The following SEPTIN11 variants were observed in gnomAD, a reference collection of about 807,000 sequenced individuals.
The protein encoded by SEPTIN11 is septin-11.
A neutral mutation model predicts 51.4 loss-of-function variants in SEPTIN11; 25 were observed. That is an observed-to-expected ratio of 0.49 (90% CI 0.35 to 0.68). The LOEUF (loss-of-function observed/expected upper bound fraction) is 0.68. SEPTIN11 is among the 30% of genes least tolerant of loss of function. The probability of loss-of-function intolerance (pLI) is 0.00; values close to 1 mark genes in which losing one functional copy is unlikely to be tolerated. For synonymous variants in SEPTIN11, 174 were observed against 184.1 expected (o/e 0.95, Z 0.44); for missense variants, 381 against 520.8 (o/e 0.73, Z 2.61).
At chr4:77,016,607 T>TAC (rs1725260898) in intron 5 of SEPTIN11, among the ~76,000 whole-genome samples, 1 of 45,706 alleles carries the variant, frequency 2.2e-5, no homozygotes, top group African/African-American at 1.1e-4. Context: ...CACATATATA[T>TAC]ATATACACAT....
chr4:76,953,909 C>T (rs2109875800), intron 1 of SEPTIN11, among the ~76,000 whole-genome samples: 1 of 152,260 alleles, frequency 6.6e-6, no homozygotes, highest in African/African-American at 2.4e-5. Context: ...TATAATAGTT[C>T]TTAGGTGTTT....
At chr4:77,026,585 C>T (rs1340335909) in intron 7 of SEPTIN11, among the ~76,000 whole-genome samples, 1 of 152,168 alleles carries the variant, frequency 6.6e-6, no homozygotes, top group Non-Finnish European at 1.5e-5. Context: ...GGGCACCATT[C>T]TCCCTTCCGT....
At chr4:77,002,186 T>C (rs1724165790) in intron 2 of SEPTIN11, among the ~76,000 whole-genome samples, 2 of 152,110 alleles carry the variant, frequency 1.3e-5, no homozygotes, top group African/African-American at 2.4e-5. Context: ...TTTCAACCCA[T>C]TGATTAACCC....
intron 7 of SEPTIN11, among the ~76,000 whole-genome samples, chr4:77,023,216 A>G (rs1048783040): frequency 6.6e-6 from 1 of 150,728 alleles, no homozygotes. Context: ...CCCCACTTGG[A>G]TCCATTTCCC....
chr4:77,038,537 T>G lies in SEPTIN11; in HGVS notation c.*4025T>G. ...TTTGGCATCTGTTAAGGTAGGAGAG[T>G]GGTGAACAGATAATCTATGCATATA... On this transcript the variant is annotated 3_prime_UTR_variant, in exon 10 of 10. Transcript: ENST00000264893. 1 of 986,304 alleles carries G rather than the reference T, an allele frequency of 1.0e-6. No homozygotes were observed. Among genetic ancestry groups the G allele is most frequent in the Non-Finnish European group, 1.2e-6 (1 of 830,304 alleles). The allele number at this position is 986,304 out of a possible 1,614,324, so 61.1% of individuals were successfully genotyped here.
rs370267588 is a variant in SEPTIN11, at chr4:77,016,615, CATAT to C, written c.687+1610_687+1613del. Among the ~76,000 whole-genome samples, 469 of 79,224 alleles carry C rather than the reference CATAT, an allele frequency of 5.9e-3. 12 individuals are homozygous for C. The highest frequency in any genetic ancestry group is 0.02 in the African/African-American group (440 of 21,490). 52.0% of individuals were successfully genotyped at this position (79,224 alleles called of 152,430 possible). The stretch of plus-strand genomic sequence containing the variant: ...ATACACACACATATATATATATACA[CATAT>C]ATATATATATACACATATATATATA... On this transcript the variant is annotated intron_variant, in intron 5 of 9. Coordinates refer to ENST00000264893, the MANE Select transcript of SEPTIN11 (RefSeq NM_018243.4).
Position 77,024,133 on chromosome 4 carries a change from T to C in SEPTIN11, c.953+3463T>C, listed in dbSNP as rs1013779783. Among the ~76,000 whole-genome samples, 2 of 152,030 alleles carry C rather than the reference T, an allele frequency of 1.3e-5. No homozygotes were observed. The highest frequency in any genetic ancestry group is 6.6e-5 in the Admixed American group (1 of 15,262). On this transcript the variant is annotated intron_variant, in intron 7 of 9. Transcript: ENST00000264893. This position sits in a 1 kb window ranked among gnomAD's most constrained non-coding sequence, Gnocchi z 4.2. ...CAGTGCCACTGTGTATGTTACACAGTGTGAGGCAAAAGGAGGAGTAGCGCG... is the reference window on the plus strand; with the variant it reads ...CAGTGCCACTGTGTATGTTACACAGCGTGAGGCAAAAGGAGGAGTAGCGCG...
chr4:77,023,280 AC>A (rs1653764710), intron 7 of SEPTIN11, among the ~76,000 whole-genome samples: 2 of 133,574 alleles, frequency 1.5e-5, no homozygotes, highest in Non-Finnish European at 1.5e-5. Context: ...ACACACACAC[AC>A]ACACACACAC....
At chr4:77,038,653 G>T, downstream of SEPTIN11, 1 of 997,288 alleles carries the variant, frequency 1.0e-6, no homozygotes, top group Non-Finnish European at 1.2e-6. Context: ...TTTAGTCACT[G>T]CTTGGTTTGC....
rs1277859960 is a variant in SEPTIN11 at position 77,013,665 on chromosome 4, CAGGTTGAGGAAT to C, written c.526-1183_526-1172del. Among the ~76,000 whole-genome samples, 3 of 152,310 alleles carry C rather than the reference CAGGTTGAGGAAT, an allele frequency of 2.0e-5. No individual in the cohort carries two copies. In the East Asian group the frequency reaches 5.8e-4, roughly 29 times the overall value. On this transcript the variant is annotated intron_variant, in intron 4 of 9. Coordinates refer to ENST00000264893, the MANE Select transcript of SEPTIN11 (RefSeq NM_018243.4). ...AGCCCAAGCATGGTGAGCTTAGGAG[CAGGTTGAGGAAT>C]AGGTTGAAGAATAGGTCTTTCTCTC...
intron 1 of SEPTIN11, among the ~76,000 whole-genome samples, chr4:76,987,347 T>C (rs1267340464): frequency 1.3e-5 from 2 of 152,150 alleles, no homozygotes; most frequent in African/African-American, 2.4e-5. Flanking sequence ...AGGCATGGGA[T>C]TTCATGGTAT....
chr4:76,969,499 G>A (rs1413373197), intron 1 of SEPTIN11, among the ~76,000 whole-genome samples: 2 of 152,178 alleles, frequency 1.3e-5, no homozygotes, highest in East Asian at 1.9e-4. Context: ...TTGAGAAAAT[G>A]TTGGGAACTC....
Position 77,030,801 on chromosome 4 carries a change from C to T in SEPTIN11, c.1105C>T (p.Leu369Phe), listed in dbSNP as rs553968886. The change falls in exon 9 of 10, where the codon CTT becomes TTT. Residue 369 changes from leucine to phenylalanine, a missense_variant. This residue lies in a region of SEPTIN11 where 197 missense variants were observed against 313.1 expected (regional missense o/e 0.63). Transcript: ENST00000264893. ...AEKELHEKFD[L>F]LKRTHQEEKK... is the part of the protein sequence containing the mutation. Reference sequence around the variant, plus strand: ...TCTCCAGCTTCACGAGAAGTTTGACCTTCTAAAGCGGACACACCAAGAAGA... The same window carrying T: ...TCTCCAGCTTCACGAGAAGTTTGACTTTCTAAAGCGGACACACCAAGAAGA... 1 of 1,590,236 alleles carries T rather than the reference C, an allele frequency of 6.3e-7. No homozygotes were observed.
At chr4:76,986,007 G>T (rs1306462685) in intron 1 of SEPTIN11, among the ~76,000 whole-genome samples, 1 of 152,116 alleles carries the variant, frequency 6.6e-6, no homozygotes, top group East Asian at 1.9e-4. Context: ...GCCGAAAAGA[G>T]TGTGGTGGGT....
intron 8 of SEPTIN11, 88 bp from the exon 9 acceptor site, chr4:77,030,695 A>G (rs1356144423): frequency 7.9e-7 from 1 of 1,261,686 alleles, no homozygotes; most frequent in Non-Finnish European, 1.1e-6. Context: ...GTGCCTGGCC[A>G]TGTTTTGTTT....
chr4:76,986,923 C>T (rs376531186), intron 1 of SEPTIN11, among the ~76,000 whole-genome samples: 4 of 151,900 alleles, frequency 2.6e-5, no homozygotes, highest in African/African-American at 9.7e-5. Flanking sequence ...TAACATTTCC[C>T]GAAAATCTTA....
At position 77,030,806 on chromosome 4, in the gene SEPTIN11, A is replaced by G. The variant is rs1437097145; in HGVS notation, c.1110A>G (p.Leu370=). The stretch of plus-strand genomic sequence containing the variant: ...AGCTTCACGAGAAGTTTGACCTTCT[A>G]AAGCGGACACACCAAGAAGAAAAGA... The part of the protein sequence containing the change: ...EKELHEKFDL[L]KRTHQEEKKK... The change falls in exon 9 of 10, where the codon CTA becomes CTG. Residue 370 remains leucine (L), a synonymous_variant. Coordinates refer to ENST00000264893, the MANE Select transcript of SEPTIN11 (RefSeq NM_018243.4). 1 of 1,599,208 alleles carries G rather than the reference A, an allele frequency of 6.3e-7. No homozygotes were observed. Among genetic ancestry groups the G allele is most frequent in the Non-Finnish European group, 8.5e-7 (1 of 1,176,820 alleles).
chr4:76,989,280 T>C (rs993574396), intron 1 of SEPTIN11, among the ~76,000 whole-genome samples: 43 of 152,302 alleles, frequency 2.8e-4, no homozygotes, highest in African/African-American at 9.6e-4. Flanking sequence ...AAATGTTATC[T>C]CTTAAATTTA....
At chr4:76,958,072 CA>C (rs1721640690) in intron 1 of SEPTIN11, among the ~76,000 whole-genome samples, 1 of 152,196 alleles carries the variant, frequency 6.6e-6, no homozygotes, top group Non-Finnish European at 1.5e-5. Context: ...TACCCCCCAC[CA>C]ATAAACATTT....
Sources: gnomAD v4.1 joint callset for allele counts (sites outside exome capture counted in the v4.1 genomes callset) on GRCh38, gnomAD v4.1.1 for gene constraint, gnomAD v4.1.1 regional missense constraint, Gnocchi (gnomAD v3.1) non-coding constraint, MANE v1.5 for transcripts, NCBI Gene and HGNC (gene_info 2026-07-23, HGNC 2026-07-21) for gene names.